CDS1: variants seen among roughly 807,000 people sequenced by gnomAD.
The protein encoded by CDS1 is CDP-diacylglycerol synthase 1, also known as phosphatidate cytidylyltransferase 1.
A neutral mutation model predicts 62.1 loss-of-function variants in CDS1; 41 were observed. The observed-to-expected ratio is 0.66, with a 90% CI of 0.51 to 0.86. The LOEUF (loss-of-function observed/expected upper bound fraction) is 0.86, where lower values mean the gene tolerates loss of function less well. Ranked by LOEUF, CDS1 falls within the 40% of genes least tolerant of loss-of-function variation. The pLI, the probability that CDS1 is intolerant of heterozygous loss-of-function variation, is 0.00. For missense variants in CDS1, 470 were observed against 550.1 expected (o/e 0.85, Z 1.46); for synonymous variants, 185 against 192.6 (o/e 0.96, Z 0.32).
chr4:84,627,759 A>G (rs528336825), intron 5 of CDS1, among the ~76,000 whole-genome samples: 68 of 152,300 alleles, frequency 4.5e-4, no homozygotes, highest in African/African-American at 1.6e-3. Context: ...TTAATGCATA[A>G]TTAAGATGTT....
At chr4:84,606,180 T>C in intron 2 of CDS1, among the ~76,000 whole-genome samples, 1 of 152,044 alleles carries the variant, frequency 6.6e-6, no homozygotes, top group East Asian at 1.9e-4. Context: ...ATACATAGGA[T>C]TAAAAATAGT....
chr4:84,587,127 T>C (rs1387221017), intron 1 of CDS1, among the ~76,000 whole-genome samples: 3 of 152,146 alleles, frequency 2.0e-5, no homozygotes, highest in Non-Finnish European at 4.4e-5. Context: ...GTTGGATGCC[T>C]TCAGTTAGTA....
chr4:84,596,622 CA>C (rs1722759950), intron 1 of CDS1, among the ~76,000 whole-genome samples: 1 of 152,202 alleles, frequency 6.6e-6, no homozygotes, highest in African/African-American at 2.4e-5. Context: ...AGTTGATTAG[CA>C]AACTTAATCC....
intron 3 of CDS1, 116 bp downstream of exon 3, chr4:84,609,641 A>G (rs888779989): frequency 1.5e-6 from 1 of 668,192 alleles, no homozygotes; most frequent in African/African-American, 1.8e-5. Context: ...CAGTCACAGA[A>G]TATTTAGTTC....
At chr4:84,635,625 G>GCTTTCCTT (rs1724169964) in intron 8 of CDS1, among the ~76,000 whole-genome samples, 4 of 53,514 alleles carry the variant, frequency 7.5e-5, no homozygotes, top group African/African-American at 2.4e-4. Context: ...CTGCCTGCCT[G>GCTTTCCTT]CCTTCCTTCC....
intron 1 of CDS1, among the ~76,000 whole-genome samples, chr4:84,602,635 C>A (rs1241494437): frequency 6.6e-6 from 1 of 152,024 alleles, no homozygotes; most frequent in Admixed American, 6.5e-5. Flanking sequence ...ACCCCACTAC[C>A]CCTCACACCA....
intron 1 of CDS1, among the ~76,000 whole-genome samples, chr4:84,601,327 A>G (rs377009617): frequency 1.5e-3 from 235 of 152,314 alleles, no homozygotes; most frequent in African/African-American, 5.4e-3. Flanking sequence ...CTGGATTGGC[A>G]GTAGTATCTT....
At chr4:84,603,534 T>C (rs762337740) in intron 1 of CDS1, among the ~76,000 whole-genome samples, 1 of 152,166 alleles carries the variant, frequency 6.6e-6, no homozygotes, top group Non-Finnish European at 1.5e-5. Context: ...ATTTCTGTTT[T>C]GAAAATTGCA....
At chr4:84,618,693 T>G (rs1284985371) in intron 4 of CDS1, among the ~76,000 whole-genome samples, 2 of 152,144 alleles carry the variant, frequency 1.3e-5, no homozygotes, top group Non-Finnish European at 2.9e-5. Flanking sequence ...GTTGGATTGG[T>G]AGACCAGGTT....
chr4:84,587,302 A>G (rs1027532460), intron 1 of CDS1, among the ~76,000 whole-genome samples: 3 of 152,216 alleles, frequency 2.0e-5, no homozygotes, highest in African/African-American at 7.2e-5. Context: ...ACTGAGTTTA[A>G]TAATTCTGTA....
rs886542010 is a variant in CDS1 at position 84,650,069 on chromosome 4, A to C, written c.*1383A>C. 1.3e-5 allele frequency: 2 copies of C among 152,214 alleles called. No individual in the cohort carries two copies. The highest frequency in any genetic ancestry group is 4.8e-5 in the African/African-American group (2 of 41,460). The allele number at this position is 152,214 out of a possible 1,614,324, so 9.4% of individuals were successfully genotyped here. The stretch of plus-strand genomic sequence containing the variant: ...GGGGAGAAATAGATATATTTTAAAT[A>C]ATGTTTTGCTAATGAAAAGAGTAAA... On this transcript the variant is annotated 3_prime_UTR_variant, in exon 13 of 13. Coordinates refer to ENST00000295887, the MANE Select transcript of CDS1 (RefSeq NM_001263.4).
intron 1 of CDS1, among the ~76,000 whole-genome samples, chr4:84,596,062 G>A (rs774531881): frequency 8.5e-5 from 13 of 152,150 alleles, no homozygotes; most frequent in Non-Finnish European, 1.9e-4. Context: ...GACTTGGCCC[G>A]ATTCCATTTG....
intron 1 of CDS1, among the ~76,000 whole-genome samples, chr4:84,587,551 GGT>G (rs1340474001): frequency 6.6e-6 from 1 of 152,194 alleles, no homozygotes; most frequent in Non-Finnish European, 1.5e-5. Flanking sequence ...CACAGATTCA[GGT>G]CGGCAGGGAA....
intron 1 of CDS1, among the ~76,000 whole-genome samples, chr4:84,590,438 A>C (rs1722558876): frequency 6.6e-6 from 1 of 152,228 alleles, no homozygotes; most frequent in Non-Finnish European, 1.5e-5. Flanking sequence ...AGAATATCTG[A>C]GGGTTACCAT....
intron 2 of CDS1, among the ~76,000 whole-genome samples, chr4:84,604,839 AAC>A (rs1426687098): frequency 2.6e-5 from 4 of 151,984 alleles, no homozygotes; most frequent in African/African-American, 9.7e-5. Flanking sequence ...GTTGGTCTTA[AAC>A]TCCTGGGCTC....
intron 1 of CDS1, among the ~76,000 whole-genome samples, chr4:84,585,646 A>G (rs1469650909): frequency 1.3e-5 from 2 of 152,236 alleles, no homozygotes; most frequent in African/African-American, 4.8e-5. Flanking sequence ...CTATTATAAT[A>G]CACTCCCATG....
In CDS1 at chr4:84,626,881, C is replaced by T. The variant is rs144153327; in HGVS notation, c.581-4938C>T. 4.9e-3 allele frequency among the ~76,000 whole-genome samples: 739 copies of T among 152,268 alleles called. 7 individuals are homozygous for T. The highest frequency in any genetic ancestry group is 0.017 in the African/African-American group (693 of 41,536). ...ACACAGTGCTTCTTAATGATATTTTCTTAGTATCAGTGTTTTGTTTGCTGA... is the reference window on the plus strand; with the variant it reads ...ACACAGTGCTTCTTAATGATATTTTTTTAGTATCAGTGTTTTGTTTGCTGA... On this transcript the variant is annotated intron_variant, in intron 5 of 12. Coordinates refer to ENST00000295887, the MANE Select transcript of CDS1 (RefSeq NM_001263.4).
chr4:84,604,688 T>A (rs1244722384), intron 2 of CDS1, among the ~76,000 whole-genome samples: 1 of 152,240 alleles, frequency 6.6e-6, no homozygotes, highest in Non-Finnish European at 1.5e-5. Flanking sequence ...ACATTGCTTT[T>A]TCTGGTATTA....
intron 1 of CDS1, among the ~76,000 whole-genome samples, chr4:84,584,224 C>T (rs1216132602): frequency 1.3e-5 from 2 of 152,028 alleles, no homozygotes; most frequent in Non-Finnish European, 2.9e-5. Flanking sequence ...TAAGTAGATG[C>T]GATATTACTA....
Sources: allele counts gnomAD v4.1 joint callset (sites outside exome capture counted in the v4.1 genomes callset), GRCh38; gene constraint gnomAD v4.1.1; transcripts MANE v1.5; gene names NCBI Gene and HGNC (gene_info 2026-07-23, HGNC 2026-07-21).